DAP3: variants seen among roughly 807,000 people sequenced by gnomAD.
The protein encoded by DAP3 is death associated protein 3.
A neutral mutation model predicts 51.9 loss-of-function variants in DAP3; 28 were observed. That is an observed-to-expected ratio of 0.54 (90% CI 0.40 to 0.74). The LOEUF is 0.74. Ranked by LOEUF, DAP3 falls within the 30% of genes least tolerant of loss-of-function variation. The pLI is 0.00. For missense variants in DAP3, 458 were observed against 483.5 expected (o/e 0.95, Z 0.49); for synonymous variants, 170 against 170.3 (o/e 1.00, Z 0.01).
In DAP3 at chr1:155,699,628, A is replaced by G. The variant is rs117614978; in HGVS notation, c.-7-10145A>G. Among the ~76,000 whole-genome samples the G allele has an allele frequency of 5.3e-5, 8 of 152,106 alleles. No homozygotes were observed. In the East Asian group the frequency reaches 1.4e-3, roughly 26 times the overall value. ...AATATTTTTCCTTTTCATTTTTTTA[A>G]TTTGAGGCAGGGTCTTACTCTGTTA... is the stretch of plus-strand genomic sequence containing the variant. On this transcript the variant is annotated intron_variant, in intron 1 of 12. Coordinates refer to ENST00000368336, the MANE Select transcript of DAP3 (RefSeq NM_004632.4).
chr1:155,689,353 T>C (rs1353601113), intron 1 of DAP3, 179 bp downstream of exon 1: 2 of 540,382 alleles, frequency 3.7e-6, no homozygotes, highest in Non-Finnish European at 7.1e-6. Context: ...TGCTTTTTGT[T>C]GTTGTTAACC....
At chr1:155,716,948 CAAAAAA>C in intron 2 of DAP3, 52 bp from the exon 3 acceptor site, 1 of 1,395,018 alleles carries the variant, frequency 7.2e-7, no homozygotes, top group Non-Finnish European at 9.5e-7. Context: ...AACTCCATCT[CAAAAAA>C]AAAAAAAAAA....
chr1:155,730,910 G>T (rs1260657770), intron 9 of DAP3, among the ~76,000 whole-genome samples: 1 of 152,134 alleles, frequency 6.6e-6, no homozygotes, highest in African/African-American at 2.4e-5. Context: ...AGGGCCAGAG[G>T]CTACGTGGCT....
In DAP3 at chr1:155,703,459, C is replaced by T. The variant is rs575095513; in HGVS notation, c.-7-6314C>T. ...ATGATTCAATTATCTACCATGGGGT[C>T]CCTCCTACAACACATGGGAATTATG... On this transcript the variant is annotated intron_variant, in intron 1 of 12. Coordinates refer to ENST00000368336, the MANE Select transcript of DAP3 (RefSeq NM_004632.4). Among the ~76,000 whole-genome samples the T allele has an allele frequency of 2.0e-5, 3 of 152,256 alleles. No homozygotes were observed. The East Asian group carries it at 5.8e-4, about 29-fold the overall frequency.
chr1:155,696,639 A>C (rs1001404483), intron 1 of DAP3, among the ~76,000 whole-genome samples: 1 of 152,170 alleles, frequency 6.6e-6, no homozygotes, highest in Non-Finnish European at 1.5e-5. Flanking sequence ...GTTGGTCTCT[A>C]TTTTTTGTTG....
At chr1:155,728,859 CAA>C (rs34650481) in intron 7 of DAP3, among the ~76,000 whole-genome samples, 181 bp from the exon 8 acceptor site, 193 of 136,274 alleles carry the variant, frequency 1.4e-3, no homozygotes, top group African/African-American at 2.8e-3. Context: ...GAAGCTGTCT[CAA>C]AAAAAAAAAA....
chr1:155,698,885 G>A (rs72999060), intron 1 of DAP3, among the ~76,000 whole-genome samples: 249 of 152,202 alleles, frequency 1.6e-3, no homozygotes, highest in African/African-American at 5.7e-3. Context: ...AAACTTTTTC[G>A]TCTTTGGGAG....
At chr1:155,711,425 A>G (rs947635520) in intron 2 of DAP3, among the ~76,000 whole-genome samples, 18 of 152,210 alleles carry the variant, frequency 1.2e-4, no homozygotes, top group African/African-American at 3.6e-4. Flanking sequence ...CCCAAGAGGT[A>G]GAGGTTGCAG....
chr1:155,705,384 C>T (rs1325910167), intron 1 of DAP3, among the ~76,000 whole-genome samples: 1 of 151,440 alleles, frequency 6.6e-6, no homozygotes, highest in Non-Finnish European at 1.5e-5. Flanking sequence ...ATCACTTGAG[C>T]CCAGGAGTTC....
intron 12 of DAP3, among the ~76,000 whole-genome samples, chr1:155,737,601 T>C (rs896103005): frequency 2.0e-5 from 3 of 152,112 alleles, no homozygotes; most frequent in African/African-American, 7.2e-5. Context: ...GAAGAAAAGC[T>C]AAGGCTGCTC....
chr1:155,722,209 C>T (rs1433505144), intron 4 of DAP3, among the ~76,000 whole-genome samples: 1 of 151,952 alleles, frequency 6.6e-6, no homozygotes, highest in Non-Finnish European at 1.5e-5. Context: ...AGTTCGAGAC[C>T]AGTCTAGGCA....
intron 1 of DAP3, among the ~76,000 whole-genome samples, chr1:155,707,281 T>C (rs1378395028): frequency 6.7e-6 from 1 of 150,130 alleles, no homozygotes; most frequent in Non-Finnish European, 1.5e-5. Context: ...GGCGTGGTGG[T>C]GGGCGCCTGT....
At position 155,707,742 on chromosome 1, in the gene DAP3, C is replaced by T. The variant is rs571709230; in HGVS notation, c.-7-2031C>T. On this transcript the variant is annotated intron_variant, in intron 1 of 12. Transcript: ENST00000368336. Reference sequence around the variant, plus strand: ...AAATGTTGTTTTTATCATTCTCTTGCTTTTTTGTTTCAGTTTTCCTATTTA... The same window carrying T: ...AAATGTTGTTTTTATCATTCTCTTGTTTTTTTGTTTCAGTTTTCCTATTTA... 3.3e-5 allele frequency among the ~76,000 whole-genome samples: 5 copies of T among 152,146 alleles called. No individual in the cohort carries two copies. In the South Asian group the frequency reaches 8.3e-4, roughly 25 times the overall value.
rs1037075525 is a variant in DAP3, at chr1:155,731,292, G to A, written c.844-64G>A. On this transcript the variant is annotated intron_variant, in intron 9 of 12. Coordinates refer to ENST00000368336, the MANE Select transcript of DAP3 (RefSeq NM_004632.4). ...AAAAAAAAAAAAATTGTTGTCAATT[G>A]TTTCGGGAGAACATCTAGGAAAGGC... 1.5e-5 allele frequency: 21 copies of A among 1,431,098 alleles called. No homozygotes were observed. In the African/African-American group the frequency reaches 3.0e-4, roughly 20 times the overall value. The allele number at this position is 1,431,098 out of a possible 1,614,324, so 88.6% of individuals were successfully genotyped here.
rs778599947 is a variant in DAP3 at position 155,726,153 on chromosome 1, G to C, written c.472+134G>C. 10 of 752,206 alleles carry C rather than the reference G, an allele frequency of 1.3e-5. No homozygotes were observed. In the Admixed American group the frequency reaches 3.3e-4, roughly 25 times the overall value. 46.6% of individuals were successfully genotyped at this position (752,206 alleles called of 1,614,324 possible). A position where few individuals can be genotyped will look rare whatever the true frequency, so the allele number is the denominator to read the frequency against. On this transcript the variant is annotated intron_variant, in intron 6 of 12. Coordinates refer to ENST00000368336, the MANE Select transcript of DAP3 (RefSeq NM_004632.4). ...TTTGAGATGGAGTTTCGCTCTTGTC[G>C]GCCAGTCTGGAGTGCAGAGGCGCAA...
chr1:155,699,144 G>A (rs990603835), intron 1 of DAP3, among the ~76,000 whole-genome samples: 1 of 152,180 alleles, frequency 6.6e-6, no homozygotes, highest in Non-Finnish European at 1.5e-5. Flanking sequence ...TATTTATTGA[G>A]TATAATCACT....
chr1:155,698,364 T>TA (rs1210854015), intron 1 of DAP3, among the ~76,000 whole-genome samples: 1 of 152,220 alleles, frequency 6.6e-6, no homozygotes, highest in Non-Finnish European at 1.5e-5. Flanking sequence ...TTTAGGGAAC[T>TA]AACAAATGTC....
chr1:155,688,762 A>AC (rs535731792), upstream of DAP3: 1 of 1,521,060 alleles, frequency 6.6e-7, no homozygotes, highest in Non-Finnish European at 8.8e-7. Context: ...CGCCGCCAGC[A>AC]CCCCCACCCT....
At chr1:155,702,343 G>C (rs1043953343) in intron 1 of DAP3, among the ~76,000 whole-genome samples, 3 of 151,882 alleles carry the variant, frequency 2.0e-5, no homozygotes, top group Admixed American at 1.3e-4. Flanking sequence ...CATGGTGGCG[G>C]GTGCCTGTAG....
Sources: gnomAD v4.1 joint callset for allele counts (sites outside exome capture counted in the v4.1 genomes callset) on GRCh38, gnomAD v4.1.1 for gene constraint, MANE v1.5 for transcripts, NCBI Gene and HGNC (gene_info 2026-07-23, HGNC 2026-07-21) for gene names.